COG5: variants seen among roughly 807,000 people sequenced by gnomAD.
COG5 encodes the protein component of oligomeric golgi complex 5, also known as conserved oligomeric Golgi complex subunit 5.
In COG5, 86 loss-of-function variants were observed where a neutral mutation model predicts 110.4. That is an observed-to-expected ratio of 0.78 (90% CI 0.65 to 0.93). The LOEUF (loss-of-function observed/expected upper bound fraction) is 0.93. COG5 is among the 40% of genes least tolerant of loss of function. The probability of loss-of-function intolerance (pLI) is 0.00; values close to 1 mark genes in which losing one functional copy is unlikely to be tolerated. For synonymous variants in COG5, 360 were observed against 334.6 expected (o/e 1.08, Z -0.83); for missense variants, 1,077 against 987.0 (o/e 1.09, Z -1.22).
At chr7:107,465,736 A>G (rs1796255949) in intron 6 of COG5, among the ~76,000 whole-genome samples, 1 of 152,220 alleles carries the variant, frequency 6.6e-6, no homozygotes, top group Admixed American at 6.5e-5. Flanking sequence ...TGACTCAAGT[A>G]GTATAGTGGA....
intron 6 of COG5, among the ~76,000 whole-genome samples, chr7:107,473,809 G>A (rs1796799226): frequency 6.6e-6 from 1 of 151,888 alleles, no homozygotes; most frequent in African/African-American, 2.4e-5. Flanking sequence ...TTGCACTACA[G>A]AGGAACAATT....
At chr7:107,277,780 C>A (rs1804818600) in intron 14 of COG5, among the ~76,000 whole-genome samples, 3 of 151,964 alleles carry the variant, frequency 2.0e-5, no homozygotes, top group Non-Finnish European at 2.9e-5. Context: ...GCTTTGGATT[C>A]AGAAGGACTG....
intron 11 of COG5, among the ~76,000 whole-genome samples, chr7:107,300,629 C>T (rs1807177116): frequency 1.3e-5 from 2 of 151,956 alleles, no homozygotes; most frequent in Admixed American, 1.3e-4. Flanking sequence ...TGGGAAATAG[C>T]TGCACACTGA....
At chr7:107,361,623 G>T in intron 10 of COG5, among the ~76,000 whole-genome samples, 1 of 152,248 alleles carries the variant, frequency 6.6e-6, no homozygotes, top group East Asian at 1.9e-4. Context: ...GTGCAGTGGC[G>T]TGACCTCAGC....
In COG5 at chr7:107,548,333, C is replaced by G; in HGVS notation, c.293-1G>C. 1 of 1,613,662 alleles carries G rather than the reference C, an allele frequency of 6.2e-7. No homozygotes were observed. On this transcript the variant is annotated splice_acceptor_variant, in intron 3 of 21. Coordinates refer to ENST00000297135, the MANE Select transcript of COG5 (RefSeq NM_006348.5). LOFTEE classifies it high-confidence loss of function. Reference sequence around the variant, plus strand: ...CTCGTCTGCATCATCTGAAGAACACCTAGGAAAACATAAGTTTACATTGGC... The same window carrying G: ...CTCGTCTGCATCATCTGAAGAACACGTAGGAAAACATAAGTTTACATTGGC...
chr7:107,201,648 C>T lies in COG5; in HGVS notation c.*1868G>A, dbSNP rs1798318999. ...CTATCAACATTTTAAACCAAATTGC[C>T]TTATTTTTCTTCCAAACTTCATATA... On this transcript the variant is annotated 3_prime_UTR_variant, in exon 22 of 22. Coordinates refer to ENST00000297135, the MANE Select transcript of COG5 (RefSeq NM_006348.5). 5 of 414,064 alleles carry T rather than the reference C, an allele frequency of 1.2e-5. No individual in the cohort carries two copies. Among genetic ancestry groups the T allele is most frequent in the Middle Eastern group, 6.0e-4 (1 of 1,654 alleles). 25.6% of individuals were successfully genotyped at this position (414,064 alleles called of 1,614,324 possible).
intron 6 of COG5, among the ~76,000 whole-genome samples, chr7:107,509,049 A>G (rs1439370164): frequency 6.6e-6 from 1 of 152,218 alleles, no homozygotes; most frequent in African/African-American, 2.4e-5. Flanking sequence ...TGGAAGGAGA[A>G]TGACTTTGAC....
rs780332714 is a variant in COG5 at position 107,394,184 on chromosome 7, C to T, written c.669+18318G>A. ...TTCACTGTGTTAGCCAGCATGGTGT[C>T]GATCTCCTGACCTTGTGATCCGCCT... On this transcript the variant is annotated intron_variant, in intron 7 of 21. Transcript: ENST00000297135. Among the ~76,000 whole-genome samples the T allele has an allele frequency of 4.0e-5, 6 of 151,280 alleles. No individual in the cohort carries two copies. The South Asian group carries it at 1.0e-3, about 26-fold the overall frequency.
intron 19 of COG5, among the ~76,000 whole-genome samples, chr7:107,225,495 A>G (rs1304872057): frequency 1.3e-5 from 2 of 152,096 alleles, no homozygotes; most frequent in African/African-American, 4.8e-5. Context: ...TTTATTCTCC[A>G]TTCAAACAAA....
At chr7:107,501,322 A>C in intron 6 of COG5, among the ~76,000 whole-genome samples, 1 of 152,096 alleles carries the variant, frequency 6.6e-6, no homozygotes. Flanking sequence ...CCAAGAAATA[A>C]AAAACTTTGA....
At chr7:107,256,488 T>C (rs952377479) in intron 16 of COG5, among the ~76,000 whole-genome samples, 8 of 152,268 alleles carry the variant, frequency 5.3e-5, no homozygotes, top group Non-Finnish European at 7.4e-5. Context: ...TGTAAGACTT[T>C]TGCTTCTATG....
At chr7:107,556,773 CT>C (rs776813038) in intron 2 of COG5, among the ~76,000 whole-genome samples, 506 of 144,610 alleles carry the variant, frequency 3.5e-3, no homozygotes, top group Non-Finnish European at 4.2e-3. Context: ...TGTTTTCTTT[CT>C]TTTTTTTTTT....
intron 21 of COG5, among the ~76,000 whole-genome samples, chr7:107,204,210 A>G (rs1798578904): frequency 1.3e-5 from 2 of 152,188 alleles, no homozygotes; most frequent in South Asian, 4.1e-4. Context: ...TCCATTGTTT[A>G]TGATTATGAT....
At position 107,236,503 on chromosome 7, in the gene COG5, T is replaced by C. The variant is rs777624204; in HGVS notation, c.2038A>G (p.Ile680Val). Residue 680 changes from isoleucine to valine, a missense_variant, in exon 18 of 22, where the codon ATA (isoleucine) becomes GTA (valine). Ile to Val is a conservative substitution (Grantham distance 29). Transcript: ENST00000297135. ...TTCCCACCTTCACCAAGAGGTCTTATGAGACTGGCATGGCGGATAAAAAGT... is the reference window on the plus strand; with the variant it reads ...TTCCCACCTTCACCAAGAGGTCTTACGAGACTGGCATGGCGGATAAAAAGT... ...VELFIRHASL[I>V]RPLGEGGKMR... 5 of 1,613,530 alleles carry C rather than the reference T, an allele frequency of 3.1e-6. No individual in the cohort carries two copies. The highest frequency in any genetic ancestry group is 4.2e-6 in the Non-Finnish European group (5 of 1,179,598).
intron 19 of COG5, 34 bp downstream of exon 19, chr7:107,230,581 G>T: frequency 1.4e-6 from 2 of 1,463,064 alleles, no homozygotes; most frequent in African/African-American, 1.4e-5. Flanking sequence ...TTGCCTGGAG[G>T]ATATGAATGT....
At chr7:107,421,185 A>G (rs1793262955) in intron 6 of COG5, among the ~76,000 whole-genome samples, 1 of 152,174 alleles carries the variant, frequency 6.6e-6, no homozygotes, top group Non-Finnish European at 1.5e-5. Flanking sequence ...CATGAATTTA[A>G]ACAAAACCTC....
intron 6 of COG5, among the ~76,000 whole-genome samples, chr7:107,489,789 C>T (rs2520277): frequency 0.28 from 42,840 of 151,916 alleles, 6,071 homozygotes; most frequent in East Asian, 0.33. Flanking sequence ...CAAATAATTG[C>T]CCAAGAGATT....
At chr7:107,240,297 C>T (rs1305483744) in intron 17 of COG5, among the ~76,000 whole-genome samples, 1 of 152,112 alleles carries the variant, frequency 6.6e-6, no homozygotes, top group African/African-American at 2.4e-5. Flanking sequence ...CTCACTGCAA[C>T]CTCTGCCTCC....
At chr7:107,374,780 CTT>C (rs1326413327) in intron 7 of COG5, among the ~76,000 whole-genome samples, 3 of 151,862 alleles carry the variant, frequency 2.0e-5, no homozygotes, top group Non-Finnish European at 4.4e-5. Flanking sequence ...TAATTTTAAA[CTT>C]GTCAATTAAC....
Sources: gnomAD v4.1 joint callset for allele counts (sites outside exome capture counted in the v4.1 genomes callset) on GRCh38, gnomAD v4.1.1 for gene constraint, MANE v1.5 for transcripts, NCBI Gene and HGNC (gene_info 2026-07-23, HGNC 2026-07-21) for gene names.